Variants in DENND4C observed in about 807,000 individuals in gnomAD.
DENND4C encodes DENN domain containing 4C, also known as DENN domain-containing protein 4C.
DENND4C carries 108 observed loss-of-function variants against 203.0 expected under a neutral mutation model. The ratio of observed to expected loss-of-function variants is 0.53; its 90% CI spans 0.46 to 0.62. DENND4C has a LOEUF of 0.62. DENND4C is among the 20% of genes least tolerant of loss of function. The pLI is 0.00. For synonymous variants in DENND4C, 871 were observed against 792.4 expected (o/e 1.10, Z -1.67); for missense variants, 2,481 against 2,301.2 (o/e 1.08, Z -1.60).
intron 1 of DENND4C, among the ~76,000 whole-genome samples, chr9:19,249,487 C>T (rs949692733): frequency 1.3e-5 from 2 of 152,030 alleles, no homozygotes; most frequent in Non-Finnish European, 2.9e-5. Flanking sequence ...AGCTCCTGAT[C>T]TCAAGTGATC....
At chr9:19,338,418 T>C (rs1337975057) in intron 20 of DENND4C, among the ~76,000 whole-genome samples, 2 of 152,176 alleles carry the variant, frequency 1.3e-5, no homozygotes, top group African/African-American at 4.8e-5. Flanking sequence ...CTCCTAGTAA[T>C]GCTGGGTAAT....
Position 19,305,457 on chromosome 9 carries a change from A to G in DENND4C, c.1417A>G (p.Arg473Gly), listed in dbSNP as rs752727787. ...ACCATTTATAGTTGGAGTTGACTCA[A>G]GGTATTTTGATCTTCATGACCCACC... ...PLPFIVGVDS[R>G]YFDLHDPPQD... Residue 473 changes from arginine (R) to glycine (G), a missense_variant, in exon 10 of 33, where the codon AGG becomes GGG. This residue lies in a region of DENND4C where 2,289 missense variants were observed against 2,113.3 expected (regional missense o/e 1.08). Transcript: ENST00000434457. 3 of 1,613,934 alleles carry G rather than the reference A, an allele frequency of 1.9e-6. No homozygotes were observed. The highest frequency in any genetic ancestry group is 2.2e-5 in the East Asian group (1 of 44,856).
intron 32 of DENND4C, 108 bp from the exon 33 acceptor site, chr9:19,371,929 C>CTAA (rs1371129071): frequency 7.5e-7 from 1 of 1,326,038 alleles, no homozygotes; most frequent in African/African-American, 1.5e-5. Flanking sequence ...ATTTCTACTT[C>CTAA]TAAATATATA....
chr9:19,267,640 G>T (rs1286075581), intron 1 of DENND4C, among the ~76,000 whole-genome samples: 2 of 151,842 alleles, frequency 1.3e-5, no homozygotes, highest in Non-Finnish European at 2.9e-5. Context: ...GAGCTCAGGG[G>T]ATCTTCCCAC....
intron 6 of DENND4C, among the ~76,000 whole-genome samples, chr9:19,296,472 C>A (rs912151870): frequency 3.3e-5 from 5 of 150,022 alleles, no homozygotes; most frequent in African/African-American, 1.2e-4. Flanking sequence ...TCATGCAGTT[C>A]TCTGTGTCAG....
rs74463823 is a variant in DENND4C at position 19,316,627 on chromosome 9, A to G, written c.1595A>G (p.Gln532Arg). The change falls in exon 12 of 33, where the codon CAA (glutamine) becomes CGA (arginine). Residue 532 changes from glutamine (Q) to arginine (R), a missense_variant. Physicochemically the swap from Gln to Arg is conservative, Grantham distance 43. Transcript: ENST00000434457. ...KLYPQLSSVHQKTQEGSAIDM... is the reference protein window; with the variant it reads ...KLYPQLSSVHRKTQEGSAIDM... ...TTTTTATTTCCTTTGTTAGTTCACCAAAAAACTCAAGAAGGCTCAGCGATT... is the reference window on the plus strand; with the variant it reads ...TTTTTATTTCCTTTGTTAGTTCACCGAAAAACTCAAGAAGGCTCAGCGATT... 4.0e-3 allele frequency: 6,373 copies of G among 1,612,952 alleles called. 224 individuals carry two copies. In the African/African-American group the frequency reaches 0.076, roughly 19 times the overall value.
rs552714003 is a variant in DENND4C, at chr9:19,253,096, A to G, written c.-18+22263A>G. Among the ~76,000 whole-genome samples the G allele has an allele frequency of 4.6e-5, 7 of 152,384 alleles. No individual in the cohort carries two copies. In the South Asian group the frequency reaches 1.4e-3, roughly 32 times the overall value. ...ATTCCTCTCTTGACTTTTAACCTTT[A>G]GATGCATATGCCTTCTTACGTAGTG... On this transcript the variant is annotated intron_variant, in intron 1 of 32. Transcript: ENST00000434457.
chr9:19,247,934 A>G (rs911777235), intron 1 of DENND4C, among the ~76,000 whole-genome samples: 6 of 152,240 alleles, frequency 3.9e-5, no homozygotes, highest in African/African-American at 1.2e-4. Flanking sequence ...TATATCCCCA[A>G]TATTATAATT....
Position 19,369,882 on chromosome 9 carries a change from C to A in DENND4C, c.5570C>A (p.Thr1857Lys), listed in dbSNP as rs374626394. The A allele has an allele frequency of 1.3e-5, 21 of 1,611,034 alleles. No homozygotes were observed. The highest frequency in any genetic ancestry group is 1.6e-5 in the Non-Finnish European group (19 of 1,178,858). ...CTCCTGTCAGAGGAACAACAAGAAA[C>A]AAGCACTTTAGTAGAAACCATCAGG... The part of the protein sequence containing the change: ...SSLLSEEQQE[T>K]STLVETIRQS... The change falls in exon 31 of 33, where the codon ACA (threonine) becomes AAA (lysine). Residue 1857 changes from threonine to lysine, a missense_variant. Around this residue, in one of 3 missense-constraint regions of DENND4C, gnomAD observed 2,289 missense variants for 2,113.3 expected, o/e 1.08. Transcript: ENST00000434457.
chr9:19,348,720 T>C (rs753276796), intron 23 of DENND4C, among the ~76,000 whole-genome samples: 1 of 152,106 alleles, frequency 6.6e-6, no homozygotes, highest in Non-Finnish European at 1.5e-5. Flanking sequence ...TTAAAGAGCT[T>C]ACGAGGTCAG....
chr9:19,268,945 C>G (rs890485046), intron 1 of DENND4C, among the ~76,000 whole-genome samples: 6 of 152,024 alleles, frequency 3.9e-5, no homozygotes, highest in Non-Finnish European at 7.4e-5. Context: ...GTTCCATAAC[C>G]TTCTTGTACT....
In DENND4C at chr9:19,331,207, C is replaced by CT. The variant is rs750304776; in HGVS notation, c.2254-757dup. ...TATGTTGACTGCAAAGGAATAGGTC[C>CT]TTTTTTTTTTTTTTGAGATGGAGTA... On this transcript the variant is annotated intron_variant, in intron 16 of 32. Transcript: ENST00000434457. Among the ~76,000 whole-genome samples the CT allele has an allele frequency of 8.0e-3, 1,128 of 141,778 alleles. 22 individuals are homozygous for CT. The highest frequency in any genetic ancestry group is 0.049 in the Admixed American group (694 of 14,168). The allele number at this position is 141,778 out of a possible 152,430, so 93.0% of individuals were successfully genotyped here.
intron 10 of DENND4C, among the ~76,000 whole-genome samples, chr9:19,306,735 T>C (rs189093507): frequency 1.8e-3 from 267 of 150,770 alleles, no homozygotes; most frequent in Middle Eastern, 6.9e-3. Flanking sequence ...TGTGAAGTGT[T>C]TGCACAATTG....
intron 1 of DENND4C, among the ~76,000 whole-genome samples, chr9:19,265,187 T>G (rs57657862): frequency 6.6e-6 from 1 of 151,892 alleles, no homozygotes. Flanking sequence ...GCTAAGTTAC[T>G]GTATTTTTTT....
intron 27 of DENND4C, 81 bp downstream of exon 27, chr9:19,357,235 A>T: frequency 7.3e-7 from 1 of 1,374,980 alleles, no homozygotes; most frequent in African/African-American, 1.5e-5. Context: ...AGACAACCTG[A>T]CTCATATAGG....
chr9:19,324,621 A>G (rs1330484734), intron 13 of DENND4C, 114 bp downstream of exon 13: 9 of 995,676 alleles, frequency 9.0e-6, no homozygotes, highest in East Asian at 5.2e-5. Flanking sequence ...AGGGTTGTGT[A>G]TGTGTGTGTA....
intron 1 of DENND4C, among the ~76,000 whole-genome samples, chr9:19,239,063 A>G (rs567201083): frequency 5.0e-4 from 76 of 152,060 alleles, no homozygotes; most frequent in African/African-American, 1.8e-3. Flanking sequence ...TAATCTACAG[A>G]TACTGATATT....
At chr9:19,267,091 C>T (rs183457002) in intron 1 of DENND4C, among the ~76,000 whole-genome samples, 20 of 152,108 alleles carry the variant, frequency 1.3e-4, no homozygotes, top group Admixed American at 3.9e-4. Flanking sequence ...ATTCTGCAGC[C>T]GTTAGATGAA....
rs191176080 is a variant in DENND4C, at chr9:19,352,199, C to T, written c.4605+17C>T. The T allele has an allele frequency of 6.3e-7, 1 of 1,595,338 alleles. No homozygotes were observed. Among genetic ancestry groups the T allele is most frequent in the Non-Finnish European group, 8.6e-7 (1 of 1,163,856 alleles). Reference sequence around the variant, plus strand: ...GCAATGGAGGTAAAAGTTCTATATTCAGTTCATGATAAAGTAGCTGTAAGC... The same window carrying T: ...GCAATGGAGGTAAAAGTTCTATATTTAGTTCATGATAAAGTAGCTGTAAGC... On this transcript the variant is annotated intron_variant, in intron 25 of 32. Transcript: ENST00000434457.
Sources: allele counts gnomAD v4.1 joint callset (sites outside exome capture counted in the v4.1 genomes callset), GRCh38; gene constraint gnomAD v4.1.1; regional missense constraint gnomAD v4.1.1; transcripts MANE v1.5; gene names NCBI Gene and HGNC (gene_info 2026-07-23, HGNC 2026-07-21).